Variants in CLSTN1 observed in about 807,000 individuals in gnomAD.
CLSTN1 encodes the protein calsyntenin-1.
A neutral mutation model predicts 108.3 loss-of-function variants in CLSTN1; 28 were observed. The ratio of observed to expected loss-of-function variants is 0.26; its 90% CI spans 0.19 to 0.35. CLSTN1 has a LOEUF of 0.35. Ranked by LOEUF, CLSTN1 falls within the 10% of genes least tolerant of loss-of-function variation. The pLI, the probability that CLSTN1 is intolerant of heterozygous loss-of-function variation, is 1.00. For missense variants in CLSTN1, 1,157 were observed against 1,302.6 expected, an observed-to-expected ratio of 0.89 and a Z score of 1.72; for synonymous variants, 524 against 534.9, an observed-to-expected ratio of 0.98 and a Z score of 0.28.
At chr1:9,748,737 C>A (rs1356884763) in intron 7 of CLSTN1, among the ~76,000 whole-genome samples, 1 of 152,092 alleles carries the variant, frequency 6.6e-6, no homozygotes, top group African/African-American at 2.4e-5. Context: ...GATCTGCCCA[C>A]CTCGGCCTCC....
chr1:9,780,574 T>A (rs1461390985), intron 1 of CLSTN1, among the ~76,000 whole-genome samples: 1 of 152,208 alleles, frequency 6.6e-6, no homozygotes, highest in Non-Finnish European at 1.5e-5. Context: ...TAGAATGAGA[T>A]CTGGCCAGTT....
intron 3 of CLSTN1, 123 bp downstream of exon 3, chr1:9,756,355 AAGT>A (rs1470477013): frequency 1.3e-6 from 1 of 744,290 alleles, no homozygotes; most frequent in Non-Finnish European, 2.3e-6. Flanking sequence ...AATAGAAACA[AAGT>A]AGGAGAATAA....
chr1:9,808,499 G>A (rs1004208061), intron 1 of CLSTN1, among the ~76,000 whole-genome samples: 2 of 152,080 alleles, frequency 1.3e-5, no homozygotes, highest in South Asian at 2.1e-4. Flanking sequence ...ACTCCAAACC[G>A]ATCAATATGA....
intron 3 of CLSTN1, 98 bp downstream of exon 3, chr1:9,756,383 G>A: frequency 2.2e-6 from 2 of 916,420 alleles, no homozygotes; most frequent in Non-Finnish European, 3.5e-6. Flanking sequence ...GGATAAAAGA[G>A]CATGACAGTT....
chr1:9,731,967 C>T (rs764398199), intron 16 of CLSTN1, 71 bp from the exon 17 acceptor site: 5 of 1,592,050 alleles, frequency 3.1e-6, no homozygotes, highest in Non-Finnish European at 4.3e-6. Context: ...CAGTGGAGTC[C>T]CGCAGCTGGC....
chr1:9,764,097 G>A (rs903251662), intron 2 of CLSTN1, among the ~76,000 whole-genome samples: 7 of 145,004 alleles, frequency 4.8e-5, no homozygotes, highest in African/African-American at 1.9e-4. Flanking sequence ...ACATGGTGAG[G>A]GAGAAAGAAA....
chr1:9,749,671 G>A (rs1651455745), intron 6 of CLSTN1, 25 bp from the exon 7 acceptor site: 4 of 1,611,882 alleles, frequency 2.5e-6, no homozygotes, highest in African/African-American at 1.3e-5. Flanking sequence ...AAGTCAGCAG[G>A]GGAAGAGAGA....
At position 9,736,037 on chromosome 1, in the gene CLSTN1, C is replaced by T. The variant is rs1341620862; in HGVS notation, c.1582G>A (p.Asp528Asn). 7.4e-6 allele frequency: 12 copies of T among 1,613,994 alleles called. No individual in the cohort carries two copies. Among genetic ancestry groups the T allele is most frequent in the African/African-American group, 2.7e-5 (2 of 74,906 alleles). Reference protein sequence around the residue: ...EPVTVASAGGDLHMTQFFRGN... With the variant: ...EPVTVASAGGNLHMTQFFRGN... ...CGGAAAAACTGGGTCATGTGCAGGTCGCCACCTTTGGGTCAGGGGAGAAAA... is the reference window on the plus strand; with the variant it reads ...CGGAAAAACTGGGTCATGTGCAGGTTGCCACCTTTGGGTCAGGGGAGAAAA... The change falls in exon 12 of 19, where the codon GAC becomes AAC. Residue 528 changes from aspartate to asparagine, a missense_variant. Transcript: ENST00000377298.
intron 2 of CLSTN1, among the ~76,000 whole-genome samples, chr1:9,768,264 AT>A (rs1363664097): frequency 1.3e-5 from 1 of 77,812 alleles, no homozygotes; most frequent in African/African-American, 5.2e-5. Context: ...CACCATAGGG[AT>A]GGGGTTCTAT....
chr1:9,749,970 T>C (rs1651475400), intron 5 of CLSTN1, 57 bp from the exon 6 acceptor site: 2 of 1,505,942 alleles, frequency 1.3e-6, no homozygotes, highest in Admixed American at 3.5e-5. Context: ...TTTACTTTTG[T>C]TGTCCTAGGC....
At chr1:9,791,024 C>A (rs1397423434) in intron 1 of CLSTN1, among the ~76,000 whole-genome samples, 1 of 149,694 alleles carries the variant, frequency 6.7e-6, no homozygotes, top group African/African-American at 2.4e-5. Flanking sequence ...CCCAGCTACT[C>A]GGGAGGCCGA....
chr1:9,737,752 C>T (rs935190850), intron 10 of CLSTN1, among the ~76,000 whole-genome samples, 198 bp from the exon 11 acceptor site: 3 of 152,180 alleles, frequency 2.0e-5, no homozygotes, highest in Non-Finnish European at 4.4e-5. Flanking sequence ...TTTACCACCC[C>T]CAACCCCAGG....
At chr1:9,790,837 T>C (rs529506088) in intron 1 of CLSTN1, among the ~76,000 whole-genome samples, 5 of 150,510 alleles carry the variant, frequency 3.3e-5, no homozygotes, top group African/African-American at 1.2e-4. Context: ...AAAATTAGGA[T>C]TAAAAAAAAA....
intron 1 of CLSTN1, among the ~76,000 whole-genome samples, chr1:9,816,283 T>C (rs1037939127): frequency 6.6e-6 from 1 of 152,158 alleles, no homozygotes; most frequent in Non-Finnish European, 1.5e-5. Flanking sequence ...ATTCCATTGA[T>C]GTGAAATGTC....
intron 1 of CLSTN1, among the ~76,000 whole-genome samples, chr1:9,800,130 AAG>A (rs1221312564): frequency 2.6e-5 from 4 of 152,246 alleles, no homozygotes; most frequent in South Asian, 2.1e-4. Flanking sequence ...GAAAAAAAGA[AAG>A]AGCTAAAATC....
chr1:9,744,825 T>C (rs1651176852), intron 7 of CLSTN1, among the ~76,000 whole-genome samples, 182 bp from the exon 8 acceptor site: 1 of 149,430 alleles, frequency 6.7e-6, no homozygotes, highest in Non-Finnish European at 1.5e-5. Flanking sequence ...GCGATCTCGG[T>C]TCATTGCAAC....
Position 9,731,914 on chromosome 1 carries a change from A to G in CLSTN1, c.2428-18T>C. 1 of 1,613,980 alleles carries G rather than the reference A, an allele frequency of 6.2e-7. No homozygotes were observed. The highest frequency in any genetic ancestry group is 8.5e-7 in the Non-Finnish European group (1 of 1,179,948). On this transcript the variant is annotated intron_variant, in intron 16 of 18. Coordinates refer to ENST00000377298, the MANE Select transcript of CLSTN1 (RefSeq NM_001009566.3). ...ACATTCACCTATAGCAGAGAAAGAG[A>G]GGATCGCTGGAGACAGGCATCCTGA...
rs1273436413 is a variant in CLSTN1, at chr1:9,747,399, GA to G, written c.985+2061del. ...TTTAGGTGACAATTATGAATATTTG[GA>G]TTCAGAGTTGCCAAACACCCCCATA... On this transcript the variant is annotated intron_variant, in intron 7 of 18. Coordinates refer to ENST00000377298, the MANE Select transcript of CLSTN1 (RefSeq NM_001009566.3). Among the ~76,000 whole-genome samples, 17 of 152,144 alleles carry G rather than the reference GA, an allele frequency of 1.1e-4. No individual in the cohort carries two copies. The East Asian group carries it at 3.3e-3, about 29-fold the overall frequency.
At chr1:9,785,377 T>C (rs892883567) in intron 1 of CLSTN1, among the ~76,000 whole-genome samples, 6 of 152,122 alleles carry the variant, frequency 3.9e-5, no homozygotes, top group African/African-American at 1.4e-4. Flanking sequence ...AGAATCTCTG[T>C]ATGCACAGGT....
Sources: gnomAD v4.1 joint callset for allele counts (sites outside exome capture counted in the v4.1 genomes callset) on GRCh38, gnomAD v4.1.1 for gene constraint, MANE v1.5 for transcripts, NCBI Gene and HGNC (gene_info 2026-07-23, HGNC 2026-07-21) for gene names.